Variants in LRRTM4 observed in about 807,000 individuals in gnomAD.
LRRTM4 encodes leucine rich repeat transmembrane neuronal 4.
A neutral mutation model predicts 47.6 loss-of-function variants in LRRTM4; 25 were observed. The observed-to-expected ratio is 0.53, with a 90% CI of 0.38 to 0.73. The LOEUF (loss-of-function observed/expected upper bound fraction) is 0.73. LRRTM4 is among the 30% of genes least tolerant of loss of function. LRRTM4 has a pLI of 0.00. For synonymous variants in LRRTM4, 311 were observed against 269.5 expected, an observed-to-expected ratio of 1.15 and a Z score of -1.51; for missense variants, 638 against 713.4, an observed-to-expected ratio of 0.89 and a Z score of 1.20.
chr2:77,268,063 T>A (rs1676095909), intron 3 of LRRTM4, among the ~76,000 whole-genome samples: 1 of 152,130 alleles, frequency 6.6e-6, no homozygotes, highest in African/African-American at 2.4e-5. Context: ...AGCTTCCCAA[T>A]CTATACTTTA....
At chr2:77,160,088 A>C (rs1173786427) in intron 3 of LRRTM4, among the ~76,000 whole-genome samples, 1 of 152,180 alleles carries the variant, frequency 6.6e-6, no homozygotes, top group Non-Finnish European at 1.5e-5. Context: ...GCATATCTTC[A>C]AACCTTTCAG....
intron 3 of LRRTM4, among the ~76,000 whole-genome samples, chr2:77,003,219 G>A (rs1677500694): frequency 6.6e-6 from 1 of 151,704 alleles, no homozygotes; most frequent in East Asian, 1.9e-4. Flanking sequence ...CCACGTTTGT[G>A]TTTCTTATAA....
At chr2:77,096,358 AG>A (rs1247669969) in intron 3 of LRRTM4, among the ~76,000 whole-genome samples, 1 of 151,778 alleles carries the variant, frequency 6.6e-6, no homozygotes, top group Non-Finnish European at 1.5e-5. Flanking sequence ...TTCAAACAAA[AG>A]GAGCTTACTA....
At chr2:77,392,526 G>A (rs1372830539) in intron 3 of LRRTM4, among the ~76,000 whole-genome samples, 1 of 152,016 alleles carries the variant, frequency 6.6e-6, no homozygotes, top group Non-Finnish European at 1.5e-5. Flanking sequence ...ATATAATTTA[G>A]CCTTACAAAA....
intron 3 of LRRTM4, among the ~76,000 whole-genome samples, chr2:77,419,687 G>A (rs1308587139): frequency 1.3e-5 from 2 of 151,984 alleles, no homozygotes; most frequent in South Asian, 2.1e-4. Context: ...TTTTGTTTGG[G>A]GTTATTACTA....
intron 3 of LRRTM4, among the ~76,000 whole-genome samples, chr2:77,224,621 T>A (rs983029388): frequency 6.6e-6 from 1 of 152,198 alleles, no homozygotes; most frequent in African/African-American, 2.4e-5. Context: ...ATGCTCATCA[T>A]CACTGGCGGT....
intron 3 of LRRTM4, chr2:77,517,363 A>T (rs1679249774): frequency 1.0e-6 from 1 of 982,748 alleles, no homozygotes; most frequent in African/African-American, 1.7e-5. Context: ...TTTATTTATA[A>T]ATATTTGTAT....
At chr2:76,849,623 C>A (rs1177411638) in intron 3 of LRRTM4, among the ~76,000 whole-genome samples, 1 of 152,026 alleles carries the variant, frequency 6.6e-6, no homozygotes, top group African/African-American at 2.4e-5. Context: ...AAAAAAACAA[C>A]TCTGCTCATC....
intron 3 of LRRTM4, among the ~76,000 whole-genome samples, chr2:77,496,909 G>A (rs926056640): frequency 1.3e-5 from 2 of 151,566 alleles, no homozygotes; most frequent in African/African-American, 4.8e-5. Flanking sequence ...GAATTAACTA[G>A]TGTTGCCACC....
At chr2:76,752,740 A>C (rs1672895750) in intron 3 of LRRTM4, among the ~76,000 whole-genome samples, 1 of 152,178 alleles carries the variant, frequency 6.6e-6, no homozygotes, top group African/African-American at 2.4e-5. Flanking sequence ...TACATTAACC[A>C]CCTGGGTCCC....
chr2:77,272,839 T>A (rs542791830), intron 3 of LRRTM4, among the ~76,000 whole-genome samples: 1 of 152,300 alleles, frequency 6.6e-6, no homozygotes, highest in Admixed American at 6.5e-5. Context: ...TATGAGCCAG[T>A]TTAACCTCTT....
At chr2:77,452,034 T>TGGA (rs1368052988) in intron 3 of LRRTM4, among the ~76,000 whole-genome samples, 3 of 152,104 alleles carry the variant, frequency 2.0e-5, no homozygotes, top group African/African-American at 7.2e-5. Context: ...AGGTTGGGGT[T>TGGA]GGAGGAGGAG....
chr2:77,094,608 C>A (rs562973726), intron 3 of LRRTM4, among the ~76,000 whole-genome samples: 1 of 152,052 alleles, frequency 6.6e-6, no homozygotes, highest in South Asian at 2.1e-4. Context: ...GGACAGAAAG[C>A]CCAGAAATAA....
At chr2:76,826,112 G>T (rs1465476865) in intron 3 of LRRTM4, among the ~76,000 whole-genome samples, 2 of 151,702 alleles carry the variant, frequency 1.3e-5, no homozygotes, top group Non-Finnish European at 3.0e-5. Context: ...ATATGAGCGA[G>T]TATTTTCCAT....
At chr2:77,291,565 A>G (rs1195864601) in intron 3 of LRRTM4, among the ~76,000 whole-genome samples, 3 of 152,144 alleles carry the variant, frequency 2.0e-5, no homozygotes, top group African/African-American at 7.2e-5. Flanking sequence ...GCATTCACAT[A>G]CAAATATTTA....
Position 77,459,036 on chromosome 2 carries a change from A to G in LRRTM4, c.1551+59282T>C, listed in dbSNP as rs941944177. Among the ~76,000 whole-genome samples, 3 of 152,044 alleles carry G rather than the reference A, an allele frequency of 2.0e-5. No homozygotes were observed. In the South Asian group the frequency reaches 6.2e-4, roughly 32 times the overall value. On this transcript the variant is annotated intron_variant, in intron 3 of 3. Coordinates refer to ENST00000409884, the MANE Select transcript of LRRTM4 (RefSeq NM_001134745.3). ...TTTATAATACTGTATGGAAAGTCTTACTTTGAAAAACCTGAAATACATCAC... is the reference window on the plus strand; with the variant it reads ...TTTATAATACTGTATGGAAAGTCTTGCTTTGAAAAACCTGAAATACATCAC...
chr2:76,807,471 C>CACATATATAT (rs545039725), intron 3 of LRRTM4, among the ~76,000 whole-genome samples: 67 of 97,454 alleles, frequency 6.9e-4, no homozygotes, highest in African/African-American at 2.7e-3. Context: ...TATATATATA[C>CACATATATAT]ATATATATAT....
intron 3 of LRRTM4, among the ~76,000 whole-genome samples, chr2:77,431,843 A>G (rs927887737): frequency 2.7e-5 from 4 of 146,698 alleles, no homozygotes; most frequent in Non-Finnish European, 1.5e-5. Flanking sequence ...TGCGAGGCTG[A>G]GGAGGGCGGA....
chr2:77,475,472 C>G (rs531272119), intron 3 of LRRTM4, among the ~76,000 whole-genome samples: 1 of 151,982 alleles, frequency 6.6e-6, no homozygotes, highest in Admixed American at 6.6e-5. Context: ...TTTAAATAAG[C>G]ACATAGTGTT....
Sources: allele counts gnomAD v4.1 joint callset (sites outside exome capture counted in the v4.1 genomes callset), GRCh38; gene constraint gnomAD v4.1.1; transcripts MANE v1.5; gene names NCBI Gene and HGNC (gene_info 2026-07-23, HGNC 2026-07-21).